The following NCOA2 variants were observed in gnomAD, a reference collection of about 807,000 sequenced individuals.
The protein encoded by NCOA2 is class E basic helix-loop-helix protein 75.
NCOA2 carries 21 observed loss-of-function variants against 145.1 expected under a neutral mutation model. The ratio of observed to expected loss-of-function variants is 0.14; its 90% confidence interval spans 0.10 to 0.21. The LOEUF (loss-of-function observed/expected upper bound fraction) is 0.21. NCOA2 is among the 10% of genes least tolerant of loss of function. NCOA2 has a pLI of 1.00. For missense variants in NCOA2, 1,472 were observed against 1,837.6 expected, an observed-to-expected ratio of 0.80 and a Z score of 3.64; for synonymous variants, 619 against 637.5, an observed-to-expected ratio of 0.97 and a Z score of 0.44.
chr8:70,180,332 T>C lies in NCOA2; in HGVS notation c.260-5473A>G, dbSNP rs978062930. 3.9e-5 allele frequency among the ~76,000 whole-genome samples: 6 copies of C among 152,206 alleles called. No homozygotes were observed. The East Asian group carries it at 1.2e-3, about 29-fold the overall frequency. On this transcript the variant is annotated intron_variant, in intron 4 of 22. Coordinates refer to ENST00000452400, the MANE Select transcript of NCOA2 (RefSeq NM_006540.4). The stretch of plus-strand genomic sequence containing the variant: ...TTTTCTCTGACTCGCCTTTTCCTCC[T>C]GGGTGGCTGCTTGAACAGCAATCCC...
At chr8:70,426,833 C>T in the NCOA2 span, among the ~76,000 whole-genome samples, 29 of 152,282 alleles carry the variant, frequency 1.9e-4, no homozygotes, top group African/African-American at 6.5e-4. Context: ...CAGGGTCTTG[C>T]TGAGGCTGGA....
chr8:70,166,774 T>A lies in NCOA2; in HGVS notation c.542-20A>T. The stretch of plus-strand genomic sequence containing the variant: ...CATTTACTGAGCAAGGCAAAAGTAA[T>A]CCAGTTTTACAAAGAAACAAACATC... On this transcript the variant is annotated intron_variant, in intron 6 of 22. Coordinates refer to ENST00000452400, the MANE Select transcript of NCOA2 (RefSeq NM_006540.4). 3 of 1,599,358 alleles carry A rather than the reference T, an allele frequency of 1.9e-6. No homozygotes were observed. Among genetic ancestry groups the A allele is most frequent in the Non-Finnish European group, 2.6e-6 (3 of 1,172,262 alleles).
chr8:70,325,352 C>A (rs1806460308), intron 1 of NCOA2, among the ~76,000 whole-genome samples: 1 of 152,180 alleles, frequency 6.6e-6, no homozygotes, highest in Admixed American at 6.5e-5. Flanking sequence ...AATGCTCTTT[C>A]AATCACAATC....
chr8:70,240,993 G>T (rs942121340), intron 2 of NCOA2, among the ~76,000 whole-genome samples: 2 of 152,146 alleles, frequency 1.3e-5, no homozygotes, highest in Admixed American at 6.6e-5. Flanking sequence ...AGGCTCTTAT[G>T]TCCTACCAAG....
chr8:70,174,986 C>T lies in NCOA2; in HGVS notation c.260-127G>A, dbSNP rs1263226638. The T allele has an allele frequency of 2.1e-5, 17 of 793,996 alleles. No individual in the cohort carries two copies. The South Asian group carries it at 2.7e-4, about 13-fold the overall frequency. 49.2% of individuals were successfully genotyped at this position (793,996 alleles called of 1,614,324 possible). Reference sequence around the variant, plus strand: ...ATCAGATGCAGCTACAAAAGAGTTACAGTACATCCCTGTTGCCCCTAAATG... The same window carrying T: ...ATCAGATGCAGCTACAAAAGAGTTATAGTACATCCCTGTTGCCCCTAAATG... On this transcript the variant is annotated intron_variant, in intron 4 of 22. Transcript: ENST00000452400.
chr8:70,371,824 G>C (rs1373699097), intron 1 of NCOA2, among the ~76,000 whole-genome samples: 1 of 152,072 alleles, frequency 6.6e-6, no homozygotes, highest in East Asian at 1.9e-4. Flanking sequence ...ATCACTTCTA[G>C]CCTGCATCAC....
At chr8:70,436,436 T>C in the NCOA2 span, among the ~76,000 whole-genome samples, 59 of 152,330 alleles carry the variant, frequency 3.9e-4, no homozygotes, top group Non-Finnish European at 7.8e-4. Context: ...CACAACATGG[T>C]AAAGGCCATT....
chr8:70,119,204 C>T (rs796170543), intron 22 of NCOA2, among the ~76,000 whole-genome samples: 7 of 152,264 alleles, frequency 4.6e-5, no homozygotes, highest in African/African-American at 1.7e-4. Flanking sequence ...TTCCTCCTCT[C>T]CTGCCCTCAC....
At chr8:70,123,516 CAAACA>C (rs1808057888) in intron 21 of NCOA2, among the ~76,000 whole-genome samples, 1 of 152,018 alleles carries the variant, frequency 6.6e-6, no homozygotes, top group Non-Finnish European at 1.5e-5. Context: ...GACTCTCTAT[CAAACA>C]AAACAAAACC....
At chr8:70,139,768 G>T (rs900453083) in intron 14 of NCOA2, among the ~76,000 whole-genome samples, 1 of 141,892 alleles carries the variant, frequency 7.0e-6, no homozygotes, top group African/African-American at 2.6e-5. Flanking sequence ...TTTCCCTACC[G>T]CAACCTCCTG....
intron 1 of NCOA2, among the ~76,000 whole-genome samples, chr8:70,343,802 C>A (rs79293802): frequency 0.011 from 1,626 of 149,766 alleles, 26 homozygotes; most frequent in African/African-American, 0.039. Flanking sequence ...TGAAGCAAGA[C>A]CCCATCTCAA....
intron 1 of NCOA2, among the ~76,000 whole-genome samples, chr8:70,389,554 A>C (rs1812995021): frequency 6.6e-6 from 1 of 152,054 alleles, no homozygotes; most frequent in Admixed American, 6.6e-5. Context: ...TGCTGGGATT[A>C]CAGGCATGAG....
Position 70,378,780 on chromosome 8 carries a change from G to T in NCOA2, c.-77+24920C>A, listed in dbSNP as rs1453866588. On this transcript the variant is annotated intron_variant, in intron 1 of 22. Coordinates refer to ENST00000452400, the MANE Select transcript of NCOA2 (RefSeq NM_006540.4). The stretch of plus-strand genomic sequence containing the variant: ...AAAAAAAAACATAAAATGAAGAAAT[G>T]TTATTCAATCAACTCTGCTAAAAGC... 3.5e-5 allele frequency among the ~76,000 whole-genome samples: 5 copies of T among 143,732 alleles called. 1 individual carries two copies. Among genetic ancestry groups the T allele is most frequent in the African/African-American group, 1.0e-4 (4 of 38,752 alleles). 94.3% of individuals were successfully genotyped at this position (143,732 alleles called of 152,430 possible).
chr8:70,124,747 T>C lies in NCOA2; in HGVS notation c.4035A>G (p.Pro1345=). 6.2e-7 allele frequency: 1 copy of C among 1,613,566 alleles called. No homozygotes were observed. The highest frequency in any genetic ancestry group is 8.5e-7 in the Non-Finnish European group (1 of 1,179,740). Residue 1345 remains proline, a synonymous_variant, in exon 20 of 23, where the codon CCA becomes CCG. Transcript: ENST00000452400. ...SPMMQQSQAN[P]AYQAPSDING... ...TTATGTCGGAGGGGGCCTGATAGGCTGGGTTGGCCTGAGACTGTTGCATCA... is the reference window on the plus strand; with the variant it reads ...TTATGTCGGAGGGGGCCTGATAGGCCGGGTTGGCCTGAGACTGTTGCATCA...
At chr8:70,202,860 C>G (rs1187958363) in intron 4 of NCOA2, among the ~76,000 whole-genome samples, 1 of 152,108 alleles carries the variant, frequency 6.6e-6, no homozygotes, top group African/African-American at 2.4e-5. Context: ...CCCACAAATT[C>G]ACCAACCAAA....
intron 2 of NCOA2, among the ~76,000 whole-genome samples, chr8:70,288,447 G>T (rs1367229172): frequency 6.6e-6 from 1 of 152,096 alleles, no homozygotes; most frequent in African/African-American, 2.4e-5. Context: ...CAGCATGGTG[G>T]TGCGCACCTT....
chr8:70,139,046 G>C (rs145306626), intron 14 of NCOA2, among the ~76,000 whole-genome samples: 1 of 152,366 alleles, frequency 6.6e-6, no homozygotes, highest in Non-Finnish European at 1.5e-5. Flanking sequence ...TCGACTAACT[G>C]TACTTCAGCT....
chr8:70,164,600 C>T (rs1294682957), intron 7 of NCOA2, among the ~76,000 whole-genome samples: 1 of 152,088 alleles, frequency 6.6e-6, no homozygotes, highest in Non-Finnish European at 1.5e-5. Context: ...CCCCACACTG[C>T]CTCCTTGGAC....
chr8:70,162,910 A>ATTTTTTTT (rs754512363), intron 8 of NCOA2, 56 bp from the exon 9 acceptor site: 6 of 966,972 alleles, frequency 6.2e-6, no homozygotes, highest in Admixed American at 4.2e-5. Context: ...TTATGGAAAT[A>ATTTTTTTT]ATTTTTTTTT....
Sources: gnomAD v4.1 joint callset for allele counts (sites outside exome capture counted in the v4.1 genomes callset) on GRCh38, gnomAD v4.1.1 for gene constraint, MANE v1.5 for transcripts, NCBI Gene and HGNC (gene_info 2026-07-23, HGNC 2026-07-21) for gene names.